Variants in EPHA3 observed in about 807,000 individuals in gnomAD.
EPHA3 encodes ephrin type-A receptor 3.
A neutral mutation model predicts 107.1 loss-of-function variants in EPHA3; 42 were observed. The ratio of observed to expected loss-of-function variants is 0.39; its 90% CI spans 0.31 to 0.51. EPHA3 has a LOEUF of 0.51. EPHA3 is among the 20% of genes least tolerant of loss of function. EPHA3 has a pLI of 0.78. For synonymous variants in EPHA3, 461 were observed against 424.8 expected, an observed-to-expected ratio of 1.09 and a Z score of -1.05; for missense variants, 1,183 against 1,211.2, an observed-to-expected ratio of 0.98 and a Z score of 0.35.
At chr3:89,417,547 T>C (rs1399768439) in intron 10 of EPHA3, among the ~76,000 whole-genome samples, 3 of 151,452 alleles carry the variant, frequency 2.0e-5, no homozygotes, top group Non-Finnish European at 4.4e-5. Flanking sequence ...CTCTTACTCT[T>C]GTTTACAATT....
chr3:89,356,936 C>G (rs150560943), intron 5 of EPHA3, among the ~76,000 whole-genome samples: 1 of 149,264 alleles, frequency 6.7e-6, no homozygotes, highest in African/African-American at 2.4e-5. Flanking sequence ...AACCCTGTCT[C>G]TACTGAAAAT....
intron 2 of EPHA3, among the ~76,000 whole-genome samples, chr3:89,154,759 T>C (rs1704762101): frequency 6.6e-6 from 1 of 150,644 alleles, no homozygotes; most frequent in African/African-American, 2.4e-5. Context: ...GTTGGAACTT[T>C]AAAAAAAACA....
intron 13 of EPHA3, among the ~76,000 whole-genome samples, chr3:89,434,652 C>A (rs1314538833): frequency 2.0e-5 from 3 of 152,144 alleles, no homozygotes; most frequent in African/African-American, 7.2e-5. Flanking sequence ...CTCTGGAGAA[C>A]ACAGGGGGTT....
intron 2 of EPHA3, among the ~76,000 whole-genome samples, chr3:89,185,623 T>C (rs945575566): frequency 6.6e-6 from 1 of 152,038 alleles, no homozygotes; most frequent in African/African-American, 2.4e-5. Context: ...GTGAAGTAGG[T>C]GGGATTGGAG....
At chr3:89,370,205 C>T (rs1474286370) in intron 5 of EPHA3, among the ~76,000 whole-genome samples, 5 of 151,038 alleles carry the variant, frequency 3.3e-5, no homozygotes, top group African/African-American at 1.2e-4. Flanking sequence ...GACACATGCA[C>T]ACCTATGTTT....
rs114712788 is a variant in EPHA3 at position 89,130,560 on chromosome 3, G to C, written c.153+3287G>C. On this transcript the variant is annotated intron_variant, in intron 2 of 16. Coordinates refer to ENST00000336596, the MANE Select transcript of EPHA3 (RefSeq NM_005233.6). ...TTTCTATTCTTCCTTTTCCTCCAAA[G>C]ACGTATTCATACATGAAACTTTACA... is the stretch of plus-strand genomic sequence containing the variant. Among the ~76,000 whole-genome samples the C allele has an allele frequency of 6.0e-3, 908 of 150,862 alleles. 7 individuals carry two copies. The highest frequency in any genetic ancestry group is 0.021 in the African/African-American group (851 of 41,122).
At chr3:89,174,572 T>C (rs1280250067) in intron 2 of EPHA3, among the ~76,000 whole-genome samples, 2 of 148,606 alleles carry the variant, frequency 1.3e-5, no homozygotes, top group African/African-American at 4.9e-5. Context: ...ATTTACCCTA[T>C]ATTCTAGCAA....
At chr3:89,477,830 G>GA (rs142585809) in intron 16 of EPHA3, among the ~76,000 whole-genome samples, 29,421 of 147,676 alleles carry the variant, frequency 0.2, 3,436 homozygotes, top group Non-Finnish European at 0.26. Context: ...CAGAGTACGA[G>GA]AAAAAAAAAA....
At chr3:89,426,234 A>G (rs1255038660) in intron 11 of EPHA3, among the ~76,000 whole-genome samples, 1 of 151,762 alleles carries the variant, frequency 6.6e-6, no homozygotes, top group Non-Finnish European at 1.5e-5. Flanking sequence ...ACATGGCATA[A>G]TGCGCAGATG....
At chr3:89,426,425 A>G (rs1299618860) in intron 11 of EPHA3, among the ~76,000 whole-genome samples, 2 of 151,764 alleles carry the variant, frequency 1.3e-5, no homozygotes, top group African/African-American at 4.8e-5. Flanking sequence ...CTCTTTGTAT[A>G]TTTGATTTGC....
At chr3:89,347,781 T>C (rs1045272415) in intron 5 of EPHA3, among the ~76,000 whole-genome samples, 38 of 150,772 alleles carry the variant, frequency 2.5e-4, no homozygotes, top group African/African-American at 9.0e-4. Context: ...CATTTTGAAA[T>C]ACGTCCCATC....
chr3:89,384,278 C>A (rs1708569836), intron 5 of EPHA3, among the ~76,000 whole-genome samples: 2 of 151,978 alleles, frequency 1.3e-5, no homozygotes, highest in Non-Finnish European at 2.9e-5. Context: ...AGCAATCCTG[C>A]ATTGGTTGGG....
intron 3 of EPHA3, among the ~76,000 whole-genome samples, chr3:89,238,802 G>A (rs192253832): frequency 8.9e-4 from 135 of 152,106 alleles, no homozygotes; most frequent in Non-Finnish European, 8.8e-4. Flanking sequence ...TAAAACAATA[G>A]CAAATATTTA....
chr3:89,261,480 A>G (rs1256864069), intron 3 of EPHA3, among the ~76,000 whole-genome samples: 1 of 152,034 alleles, frequency 6.6e-6, no homozygotes, highest in Non-Finnish European at 1.5e-5. Context: ...TTTTTCATGT[A>G]TTTTTAAGTT....
intron 5 of EPHA3, among the ~76,000 whole-genome samples, chr3:89,356,858 A>C (rs1293781059): frequency 6.6e-6 from 1 of 150,496 alleles, no homozygotes; most frequent in Non-Finnish European, 1.5e-5. Flanking sequence ...GACAACCAAC[A>C]CTTTGGGCAG....
chr3:89,285,531 G>A (rs1459387662), intron 3 of EPHA3, among the ~76,000 whole-genome samples: 4 of 152,214 alleles, frequency 2.6e-5, no homozygotes, highest in African/African-American at 7.2e-5. Context: ...CAATTTTAAA[G>A]AGGACCCTAC....
rs116424583 is a variant in EPHA3, at chr3:89,289,665, G to A, written c.815-51251G>A. Among the ~76,000 whole-genome samples the A allele has an allele frequency of 7.1e-3, 1,080 of 152,138 alleles. 4 individuals carry two copies. Among genetic ancestry groups the A allele is most frequent in the Non-Finnish European group, 0.011 (762 of 67,990 alleles). ...ATTTTATAAGTTCTTCCCAGTGACAGGTAATAACTCAGAGGTTCAATATGT... is the reference window on the plus strand; with the variant it reads ...ATTTTATAAGTTCTTCCCAGTGACAAGTAATAACTCAGAGGTTCAATATGT... On this transcript the variant is annotated intron_variant, in intron 3 of 16. Transcript: ENST00000336596.
At chr3:89,253,581 G>A (rs1276106695) in intron 3 of EPHA3, among the ~76,000 whole-genome samples, 1 of 152,090 alleles carries the variant, frequency 6.6e-6, no homozygotes, top group East Asian at 1.9e-4. Flanking sequence ...GAGGTCAGTT[G>A]TCTAATTCTT....
intron 13 of EPHA3, among the ~76,000 whole-genome samples, chr3:89,437,475 G>A (rs2107543023): frequency 6.6e-6 from 1 of 151,410 alleles, no homozygotes; most frequent in African/African-American, 2.4e-5. Flanking sequence ...CTCATCATGT[G>A]ACTTTGAAAG....
Sources: gnomAD v4.1 joint callset for allele counts (sites outside exome capture counted in the v4.1 genomes callset) on GRCh38, gnomAD v4.1.1 for gene constraint, MANE v1.5 for transcripts, NCBI Gene and HGNC (gene_info 2026-07-23, HGNC 2026-07-21) for gene names.